Variants in SAMM50 observed in about 807,000 individuals in gnomAD.
SAMM50 encodes sorting and assembly machinery component 50 homolog.
Under a neutral mutation model 66.9 loss-of-function variants are expected in SAMM50, and 47 were observed. The ratio of observed to expected loss-of-function variants is 0.70; its 90% CI spans 0.56 to 0.90. The LOEUF (loss-of-function observed/expected upper bound fraction) is 0.90, where lower values mean the gene tolerates loss of function less well. SAMM50 is among the 40% of genes least tolerant of loss of function. The pLI is 0.00. For synonymous variants in SAMM50, 191 were observed against 214.1 expected (o/e 0.89, Z 0.94); for missense variants, 535 against 595.3 (o/e 0.90, Z 1.05).
chr22:43,970,424 G>A (rs1032681715), intron 4 of SAMM50, among the ~76,000 whole-genome samples: 2 of 152,256 alleles, frequency 1.3e-5, no homozygotes, highest in African/African-American at 2.4e-5. Context: ...GCTGAGCACC[G>A]TGTCCTCATT....
chr22:43,971,679 T>C (rs1202376193), intron 4 of SAMM50, among the ~76,000 whole-genome samples: 2 of 152,186 alleles, frequency 1.3e-5, no homozygotes, highest in Non-Finnish European at 2.9e-5. Flanking sequence ...GTTATCTCCT[T>C]GTAGCAAAGG....
intron 1 of SAMM50, among the ~76,000 whole-genome samples, chr22:43,958,173 G>A (rs2050129417): frequency 6.6e-6 from 1 of 152,114 alleles, no homozygotes; most frequent in African/African-American, 2.4e-5. Flanking sequence ...TTAGAACTCC[G>A]TTCTGAAAGT....
chr22:43,991,209 C>A (rs909647161), intron 14 of SAMM50, among the ~76,000 whole-genome samples: 1 of 151,794 alleles, frequency 6.6e-6, no homozygotes, highest in African/African-American at 2.4e-5. Context: ...AACTCCTGAC[C>A]TCGTGATCTG....
chr22:43,976,131 C>T lies in SAMM50; in HGVS notation c.725C>T (p.Ala242Val), dbSNP rs755197408. The change falls in exon 8 of 15, where the codon GCG (alanine) becomes GTG (valine). Residue 242 changes from alanine to valine, a missense_variant. By Grantham distance (64) the Ala-to-Val change is moderately conservative (BLOSUM62 0). Coordinates refer to ENST00000350028, the MANE Select transcript of SAMM50 (RefSeq NM_015380.5). ...GAACTGGGCTGCCTCTCAAGGACGG[C>T]GTCATTTGCTGTTCGAAAAGAAAGC... ...WRELGCLSRT[A>V]SFAVRKESGH... The T allele has an allele frequency of 3.7e-6, 6 of 1,610,564 alleles. No homozygotes were observed. Among genetic ancestry groups the T allele is most frequent in the East Asian group, 2.2e-5 (1 of 44,752 alleles).
At chr22:43,964,697 C>T (rs1330900975) in intron 3 of SAMM50, 144 bp downstream of exon 3, 3 of 551,058 alleles carry the variant, frequency 5.4e-6, no homozygotes, top group Non-Finnish European at 9.9e-6. Flanking sequence ...TTGGCACCCC[C>T]AAGCTGAACC....
At chr22:43,955,961 G>C (rs926428080) in intron 1 of SAMM50, among the ~76,000 whole-genome samples, 2 of 152,222 alleles carry the variant, frequency 1.3e-5, no homozygotes, top group African/African-American at 4.8e-5. Context: ...CTCAGCCGCT[G>C]CTGGAGCCAT....
chr22:43,979,589 C>T (rs1004927999), intron 10 of SAMM50, among the ~76,000 whole-genome samples: 14 of 151,426 alleles, frequency 9.2e-5, no homozygotes, highest in Non-Finnish European at 1.6e-4. Context: ...CCCTTCCCCC[C>T]TCTACACTAT....
In SAMM50 at chr22:43,963,364, G is replaced by A. The variant is rs1382078501; in HGVS notation, c.100G>A (p.Glu34Lys). The A allele has an allele frequency of 1.9e-6, 3 of 1,612,192 alleles. No homozygotes were observed. The highest frequency in any genetic ancestry group is 1.3e-5 in the African/African-American group (1 of 74,958). ...EEAEFVEVEP[E>K]AKQEILENKD... ...AGCTGAATTTGTTGAAGTTGAGCCT[G>A]AAGCTAAACAGGAAATTCTTGAAAA... Residue 34 changes from glutamate (E) to lysine (K), a missense_variant, in exon 2 of 15, where the codon GAA becomes AAA. By Grantham distance (56) the Glu-to-Lys change is moderately conservative (BLOSUM62 1). Transcript: ENST00000350028.
intron 14 of SAMM50, among the ~76,000 whole-genome samples, chr22:43,991,344 C>T (rs2050323977): frequency 6.6e-6 from 1 of 150,764 alleles, no homozygotes; most frequent in Non-Finnish European, 1.5e-5. Flanking sequence ...ATGGCCTGAC[C>T]ATGGCTCACT....
chr22:43,988,925 G>A (rs965766758), intron 12 of SAMM50, 186 bp from the exon 13 acceptor site: 1 of 503,448 alleles, frequency 2.0e-6, no homozygotes, highest in Admixed American at 3.6e-5. Flanking sequence ...CAAACCAGGA[G>A]AAAAAGAAAG....
chr22:43,960,111 A>G (rs561705959), intron 1 of SAMM50, among the ~76,000 whole-genome samples: 7 of 152,318 alleles, frequency 4.6e-5, no homozygotes, highest in African/African-American at 1.7e-4. Context: ...CTTTGCCTAG[A>G]TAAAGCATTT....
intron 7 of SAMM50, chr22:43,975,311 T>C (rs2050225589): frequency 6.6e-6 from 1 of 152,256 alleles, no homozygotes; most frequent in Non-Finnish European, 1.5e-5. Context: ...TGGAGTTCAA[T>C]TGCAAGCCTG....
At chr22:43,982,929 C>T (rs2235777) in intron 11 of SAMM50, among the ~76,000 whole-genome samples, 35,931 of 152,148 alleles carry the variant, frequency 0.24, 5,068 homozygotes, top group East Asian at 0.38. Context: ...AGCTACCGCA[C>T]GTGGCCTGAT....
chr22:43,976,633 C>T (rs769833909), intron 8 of SAMM50, 117 bp from the exon 9 acceptor site: 18 of 758,088 alleles, frequency 2.4e-5, no homozygotes, highest in Non-Finnish European at 4.1e-5. Context: ...TCTGTGAACA[C>T]GAAATGACAT....
At chr22:43,973,814 T>C (rs2050217007) in intron 7 of SAMM50, among the ~76,000 whole-genome samples, 1 of 152,130 alleles carries the variant, frequency 6.6e-6, no homozygotes, top group African/African-American at 2.4e-5. Context: ...GGTTTCCTTA[T>C]GTTGGCCAGG....
At chr22:43,972,149 C>A in intron 4 of SAMM50, 87 bp from the exon 5 acceptor site, 1 of 681,404 alleles carries the variant, frequency 1.5e-6, no homozygotes, top group Non-Finnish European at 2.4e-6. Flanking sequence ...AATGAACCTT[C>A]AGATTGCTTT....
chr22:43,969,778 C>T (rs961079630), intron 4 of SAMM50, among the ~76,000 whole-genome samples: 11 of 152,086 alleles, frequency 7.2e-5, no homozygotes, highest in African/African-American at 1.4e-4. Context: ...CTGGGTGGAC[C>T]GCAAGTGTAG....
chr22:43,981,170 T>G (rs1447603271), intron 10 of SAMM50, among the ~76,000 whole-genome samples: 1 of 152,186 alleles, frequency 6.6e-6, no homozygotes, highest in Non-Finnish European at 1.5e-5. Context: ...CGGTGTGTCT[T>G]GATTTGGACT....
Position 43,981,478 on chromosome 22 carries a change from G to T in SAMM50, c.1007+17G>T. On this transcript the variant is annotated intron_variant, in intron 11 of 14. Coordinates refer to ENST00000350028, the MANE Select transcript of SAMM50 (RefSeq NM_015380.5). ...TGCTGATAGGTAAGTACTAATCAATGAATGGATAATTTGCACATATTTTCC... is the reference window on the plus strand; with the variant it reads ...TGCTGATAGGTAAGTACTAATCAATTAATGGATAATTTGCACATATTTTCC... 1 of 1,546,552 alleles carries T rather than the reference G, an allele frequency of 6.5e-7. No individual in the cohort carries two copies. The highest frequency in any genetic ancestry group is 1.1e-5 in the South Asian group (1 of 89,506).
Sources: gnomAD v4.1 joint callset for allele counts (sites outside exome capture counted in the v4.1 genomes callset) on GRCh38, gnomAD v4.1.1 for gene constraint, MANE v1.5 for transcripts, NCBI Gene and HGNC (gene_info 2026-07-23, HGNC 2026-07-21) for gene names.